Variants in SLC7A1 observed in about 807,000 individuals in gnomAD.
SLC7A1 encodes solute carrier family 7 member 1.
In SLC7A1, 10 loss-of-function variants were observed where a neutral mutation model predicts 53.9. The ratio of observed to expected loss-of-function variants is 0.19; its 90% CI spans 0.11 to 0.31. The LOEUF is 0.31. SLC7A1 is among the 10% of genes least tolerant of loss of function. The pLI, the probability that SLC7A1 is intolerant of heterozygous loss-of-function variation, is 1.00. For synonymous variants in SLC7A1, 342 were observed against 338.7 expected (o/e 1.01, Z -0.11); for missense variants, 525 against 827.2 (o/e 0.63, Z 4.48).
At chr13:29,535,107 A>G (rs959576383) in intron 3 of SLC7A1, among the ~76,000 whole-genome samples, 26 of 152,232 alleles carry the variant, frequency 1.7e-4, no homozygotes, top group African/African-American at 6.3e-4. Flanking sequence ...ACCCACTGAC[A>G]GCCATTCTGC....
chr13:29,516,096 G>T (rs777991469), intron 12 of SLC7A1, 42 bp downstream of exon 12: 1 of 1,272,752 alleles, frequency 7.9e-7, no homozygotes. Flanking sequence ...GACCCCCAGG[G>T]GAAGCCAGGA....
intron 1 of SLC7A1, among the ~76,000 whole-genome samples, chr13:29,591,260 T>C (rs944163370): frequency 2.0e-5 from 3 of 152,198 alleles, no homozygotes; most frequent in South Asian, 2.1e-4. Context: ...ATCCTCTCAG[T>C]CCTATAAAGT....
intron 2 of SLC7A1, among the ~76,000 whole-genome samples, chr13:29,544,853 C>T (rs1198223213): frequency 5.2e-5 from 6 of 115,388 alleles, no homozygotes; most frequent in South Asian, 3.2e-4. Flanking sequence ...CAGGTGACAT[C>T]GCACCTGCCT....
chr13:29,536,266 T>C, intron 2 of SLC7A1, 64 bp from the exon 3 acceptor site: 2 of 1,474,502 alleles, frequency 1.4e-6, no homozygotes, highest in Non-Finnish European at 9.3e-7. Flanking sequence ...TCTAATCTTA[T>C]CACATTATGG....
intron 2 of SLC7A1, among the ~76,000 whole-genome samples, chr13:29,549,058 G>A (rs1214983675): frequency 6.6e-6 from 1 of 152,226 alleles, no homozygotes; most frequent in African/African-American, 2.4e-5. Flanking sequence ...CACCTTGCCT[G>A]TCTTCAGTCT....
intron 1 of SLC7A1, among the ~76,000 whole-genome samples, chr13:29,570,160 G>A (rs945646585): frequency 2.0e-5 from 3 of 152,176 alleles, no homozygotes; most frequent in Non-Finnish European, 4.4e-5. Context: ...GGCATTAAAC[G>A]AATGGCTGCT....
At chr13:29,576,970 T>C (rs910866170) in intron 1 of SLC7A1, among the ~76,000 whole-genome samples, 38 of 152,328 alleles carry the variant, frequency 2.5e-4, no homozygotes, top group African/African-American at 8.9e-4. Context: ...AGAGGGGCCC[T>C]GGTCCTAGCC....
chr13:29,547,440 A>G (rs531879231), intron 2 of SLC7A1, among the ~76,000 whole-genome samples: 1 of 152,332 alleles, frequency 6.6e-6, no homozygotes, highest in South Asian at 2.1e-4. Context: ...ATGTGGAAGG[A>G]AGTGGCAGAT....
intron 9 of SLC7A1, among the ~76,000 whole-genome samples, chr13:29,518,899 T>A (rs2776952): frequency 1.3e-5 from 2 of 151,712 alleles, no homozygotes; most frequent in African/African-American, 2.4e-5. Context: ...AGCTTTACTG[T>A]GACTGGGAGA....
rs1555291578 is a variant in SLC7A1, at chr13:29,542,806, T to TG, written c.-14-6605_-14-6604insC. 2.0e-5 allele frequency among the ~76,000 whole-genome samples: 3 copies of TG among 149,710 alleles called. No individual in the cohort carries two copies. In the East Asian group the frequency reaches 5.9e-4, roughly 29 times the overall value. On this transcript the variant is annotated intron_variant, in intron 2 of 12. Coordinates refer to ENST00000380752, the MANE Select transcript of SLC7A1 (RefSeq NM_003045.5). ...AAGGGTGGTTCAAAATTATGCAGCT[T>TG]AAAAAAAAAACCAATCGTCCACTTG...
At chr13:29,594,383 G>T (rs1872222785) in intron 1 of SLC7A1, among the ~76,000 whole-genome samples, 1 of 152,256 alleles carries the variant, frequency 6.6e-6, no homozygotes, top group African/African-American at 2.4e-5. Context: ...ATTGGGAAAT[G>T]TAGGTTATTT....
chr13:29,559,613 T>C (rs945279847), intron 1 of SLC7A1, among the ~76,000 whole-genome samples: 11 of 151,904 alleles, frequency 7.2e-5, no homozygotes, highest in African/African-American at 2.7e-4. Flanking sequence ...TGAGGAACAC[T>C]GTACACTGAA....
intron 12 of SLC7A1, among the ~76,000 whole-genome samples, chr13:29,515,765 G>C (rs764334154): frequency 1.3e-5 from 2 of 152,218 alleles, no homozygotes; most frequent in African/African-American, 2.4e-5. Flanking sequence ...TCACAGAGGA[G>C]CCCATGACAT....
At chr13:29,571,219 A>G (rs1234755843) in intron 1 of SLC7A1, among the ~76,000 whole-genome samples, 1 of 152,256 alleles carries the variant, frequency 6.6e-6, no homozygotes, top group African/African-American at 2.4e-5. Flanking sequence ...TTTAAAAAAT[A>G]AAATAAGGTT....
Position 29,510,430 on chromosome 13 carries a change from G to C in SLC7A1, c.*4050C>G, listed in dbSNP as rs45489205. ...TTCATGACTCGGATAAGGTCCCCAG[G>C]AGCCTGGCAGAATGTACATCTCCCT... On this transcript the variant is annotated 3_prime_UTR_variant, in exon 13 of 13. Coordinates refer to ENST00000380752, the MANE Select transcript of SLC7A1 (RefSeq NM_003045.5). 4.4e-3 allele frequency: 673 copies of C among 152,626 alleles called. 2 individuals carry two copies. The highest frequency in any genetic ancestry group is 6.9e-3 in the Non-Finnish European group (467 of 68,046). The allele number at this position is 152,626 out of a possible 1,614,324, so 9.5% of individuals were successfully genotyped here.
At chr13:29,578,251 T>C (rs958704108) in intron 1 of SLC7A1, among the ~76,000 whole-genome samples, 2 of 152,160 alleles carry the variant, frequency 1.3e-5, no homozygotes, top group Non-Finnish European at 2.9e-5. Flanking sequence ...GGAGAGCAGA[T>C]ATTTAAGACA....
chr13:29,573,972 G>A (rs867676527), intron 1 of SLC7A1, among the ~76,000 whole-genome samples: 5 of 152,160 alleles, frequency 3.3e-5, no homozygotes, highest in African/African-American at 9.7e-5. Flanking sequence ...TCCATTCTTT[G>A]ACAAGCTCTC....
intron 2 of SLC7A1, among the ~76,000 whole-genome samples, chr13:29,553,361 C>T (rs1357080176): frequency 6.6e-6 from 1 of 152,146 alleles, no homozygotes; most frequent in Admixed American, 6.5e-5. Context: ...GCACACAGAG[C>T]ACGAGACACA....
intron 2 of SLC7A1, among the ~76,000 whole-genome samples, chr13:29,545,163 C>A (rs1869858118): frequency 6.6e-6 from 1 of 152,106 alleles, no homozygotes; most frequent in South Asian, 2.1e-4. Context: ...TGGTTTCATT[C>A]ACCAACGAAT....
Sources: allele counts gnomAD v4.1 joint callset (sites outside exome capture counted in the v4.1 genomes callset), GRCh38; gene constraint gnomAD v4.1.1; transcripts MANE v1.5; gene names NCBI Gene and HGNC (gene_info 2026-07-23, HGNC 2026-07-21).